Variants in SENP7 observed in about 807,000 individuals in gnomAD.
SENP7 encodes SUMO specific peptidase 7.
A neutral mutation model predicts 141.2 loss-of-function variants in SENP7; 64 were observed. That is an observed-to-expected ratio of 0.45 (90% CI 0.37 to 0.56). SENP7 has a LOEUF of 0.56. Ranked by LOEUF, SENP7 falls within the 20% of genes least tolerant of loss-of-function variation. The pLI is 0.00. For synonymous variants in SENP7, 382 were observed against 426.4 expected (o/e 0.90, Z 1.28); for missense variants, 1,025 against 1,212.2 (o/e 0.85, Z 2.29).
chr3:101,388,521 T>C (rs935708260), intron 6 of SENP7, among the ~76,000 whole-genome samples: 1 of 151,978 alleles, frequency 6.6e-6, no homozygotes. Flanking sequence ...AGCTAATACA[T>C]AAAATTGGAA....
At chr3:101,421,257 A>G (rs2061783873) in intron 4 of SENP7, among the ~76,000 whole-genome samples, 1 of 152,096 alleles carries the variant, frequency 6.6e-6, no homozygotes, top group Admixed American at 6.6e-5. Flanking sequence ...TGTGATGCCC[A>G]TCTATATACA....
intron 17 of SENP7, 76 bp from the exon 18 acceptor site, chr3:101,332,938 A>G: frequency 7.5e-7 from 1 of 1,339,226 alleles, no homozygotes; most frequent in South Asian, 1.5e-5. Context: ...CCATTTTTAT[A>G]TATTGAAATA....
chr3:101,511,609 A>T, intron 1 of SENP7, among the ~76,000 whole-genome samples: 1 of 152,204 alleles, frequency 6.6e-6, no homozygotes, highest in African/African-American at 2.4e-5. Flanking sequence ...GTGCTTTCAA[A>T]GGAAAAAACT....
chr3:101,499,240 C>A (rs771739637), intron 2 of SENP7, among the ~76,000 whole-genome samples: 1 of 152,066 alleles, frequency 6.6e-6, no homozygotes, highest in Non-Finnish European at 1.5e-5. Context: ...AGATTAATTG[C>A]ATGAATAATG....
At chr3:101,409,007 G>A (rs1000463880) in intron 5 of SENP7, among the ~76,000 whole-genome samples, 3 of 152,082 alleles carry the variant, frequency 2.0e-5, no homozygotes, top group African/African-American at 7.2e-5. Context: ...ATTTGCTGAC[G>A]CTATGATCAT....
At chr3:101,460,337 C>T (rs558121174) in intron 3 of SENP7, among the ~76,000 whole-genome samples, 14 of 152,230 alleles carry the variant, frequency 9.2e-5, no homozygotes, top group South Asian at 8.3e-4. Context: ...ATGTTGGCAA[C>T]GGGTAAACAT....
intron 3 of SENP7, among the ~76,000 whole-genome samples, chr3:101,484,321 C>T (rs925652779): frequency 2.0e-5 from 3 of 152,110 alleles, no homozygotes; most frequent in African/African-American, 7.2e-5. Context: ...TCTAAATATA[C>T]GAAGAACTCT....
At chr3:101,413,960 A>T (rs1358645721) in intron 5 of SENP7, among the ~76,000 whole-genome samples, 1 of 152,230 alleles carries the variant, frequency 6.6e-6, no homozygotes, top group Non-Finnish European at 1.5e-5. Flanking sequence ...CCATTGAAAG[A>T]TGTTAAACTA....
At chr3:101,499,826 C>T (rs933995253) in intron 2 of SENP7, among the ~76,000 whole-genome samples, 3 of 152,042 alleles carry the variant, frequency 2.0e-5, no homozygotes, top group African/African-American at 7.2e-5. Flanking sequence ...TGAGCCACTG[C>T]GCCCGGCCAA....
At chr3:101,476,427 A>G (rs1487756564) in intron 3 of SENP7, among the ~76,000 whole-genome samples, 1 of 152,030 alleles carries the variant, frequency 6.6e-6, no homozygotes, top group Admixed American at 6.6e-5. Flanking sequence ...AAGGACATGA[A>G]CTCATTCTTT....
chr3:101,361,744 T>C lies in SENP7; in HGVS notation c.1594A>G (p.Ile532Val), dbSNP rs763219245. 1.3e-5 allele frequency: 20 copies of C among 1,586,334 alleles called. No homozygotes were observed. The highest frequency in any genetic ancestry group is 1.7e-5 in the Non-Finnish European group (20 of 1,170,790). Residue 532 changes from isoleucine (I) to valine (V), a missense_variant, in exon 11 of 24, where the codon ATA becomes GTA. By Grantham distance (29) the Ile-to-Val change is conservative. Coordinates refer to ENST00000394095, the MANE Select transcript of SENP7 (RefSeq NM_020654.5). Reference protein sequence around the residue: ...FIFTSVYIGKIKGASKGCVTI... With the variant: ...FIFTSVYIGKVKGASKGCVTI... ...ACACAACCTTTAGAAGCTCCTTTTATTTTACCAATATAAACAGAAGTAAAT... is the reference window on the plus strand; with the variant it reads ...ACACAACCTTTAGAAGCTCCTTTTACTTTACCAATATAAACAGAAGTAAAT...
intron 3 of SENP7, among the ~76,000 whole-genome samples, chr3:101,466,548 C>G (rs996416391): frequency 6.6e-6 from 1 of 152,082 alleles, no homozygotes; most frequent in Non-Finnish European, 1.5e-5. Flanking sequence ...CCCAGACAAG[C>G]AAAAGCTAAG....
chr3:101,464,644 A>G (rs890169895), intron 3 of SENP7, among the ~76,000 whole-genome samples: 2 of 152,112 alleles, frequency 1.3e-5, no homozygotes, highest in Non-Finnish European at 2.9e-5. Flanking sequence ...CTGATTCTAC[A>G]TTATGGTAAG....
chr3:101,328,955 C>T (rs2058974884), intron 20 of SENP7, among the ~76,000 whole-genome samples: 1 of 152,082 alleles, frequency 6.6e-6, no homozygotes, highest in African/African-American at 2.4e-5. Flanking sequence ...ACTTCCATTC[C>T]AAGTTATTAT....
intron 23 of SENP7, among the ~76,000 whole-genome samples, chr3:101,326,911 C>CTA (rs4060812): frequency 0.4 from 60,133 of 151,586 alleles, 12,422 homozygotes; most frequent in Admixed American, 0.54. Flanking sequence ...TCTCTCTGGG[C>CTA]TATAGCTGGA....
At chr3:101,509,306 C>G (rs1663946572) in intron 1 of SENP7, among the ~76,000 whole-genome samples, 1 of 152,152 alleles carries the variant, frequency 6.6e-6, no homozygotes, top group Non-Finnish European at 1.5e-5. Context: ...CACTGCCACT[C>G]ATTCCTCTAG....
chr3:101,449,849 C>A (rs1281634619), intron 4 of SENP7, among the ~76,000 whole-genome samples: 1 of 152,148 alleles, frequency 6.6e-6, no homozygotes, highest in Non-Finnish European at 1.5e-5. Flanking sequence ...ATGACAGGAT[C>A]AAATTCACAC....
At chr3:101,441,946 GATTATGAC>G (rs2062692576) in intron 4 of SENP7, among the ~76,000 whole-genome samples, 2 of 152,150 alleles carry the variant, frequency 1.3e-5, no homozygotes, top group Non-Finnish European at 2.9e-5. Flanking sequence ...CAATATCACT[GATTATGAC>G]CAAAGAAATA....
At chr3:101,401,646 C>T (rs569493655) in intron 5 of SENP7, among the ~76,000 whole-genome samples, 18 of 152,202 alleles carry the variant, frequency 1.2e-4, no homozygotes, top group African/African-American at 4.3e-4. Context: ...CTGAATACAA[C>T]ATCAAATCAG....
Sources: gnomAD v4.1 joint callset for allele counts (sites outside exome capture counted in the v4.1 genomes callset) on GRCh38, gnomAD v4.1.1 for gene constraint, MANE v1.5 for transcripts, NCBI Gene and HGNC (gene_info 2026-07-23, HGNC 2026-07-21) for gene names.